The following CDC27 variants were observed in gnomAD, a reference collection of about 807,000 sequenced individuals.
CDC27 encodes cell division cycle protein 27 homolog.
In CDC27, 27 loss-of-function variants were observed where a neutral mutation model predicts 109.7. That is an observed-to-expected ratio of 0.25 (90% confidence interval 0.18 to 0.34). The LOEUF is 0.34. CDC27 is among the 10% of genes least tolerant of loss of function. The pLI, the probability that CDC27 is intolerant of heterozygous loss-of-function variation, is 1.00. For missense variants in CDC27, 579 were observed against 960.2 expected (o/e 0.60, Z 5.25); for synonymous variants, 266 against 333.9 (o/e 0.80, Z 2.22).
At chr17:47,173,065 CTCTGCAAGTGAT>C (rs1567710028) in intron 2 of CDC27, among the ~76,000 whole-genome samples, 1 of 152,188 alleles carries the variant, frequency 6.6e-6, no homozygotes, top group Non-Finnish European at 1.5e-5. Flanking sequence ...GGTTAACAAA[CTCTGCAAGTGAT>C]TCTGTGGCAT....
At chr17:47,188,123 G>A (rs917566671) in intron 1 of CDC27, among the ~76,000 whole-genome samples, 2 of 152,130 alleles carry the variant, frequency 1.3e-5, no homozygotes, top group African/African-American at 4.8e-5. Flanking sequence ...AGCCTTTTAA[G>A]GGCAATATGA....
intron 15 of CDC27, among the ~76,000 whole-genome samples, chr17:47,130,061 T>G (rs1191544017): frequency 6.6e-6 from 1 of 151,986 alleles, no homozygotes; most frequent in Non-Finnish European, 1.5e-5. Flanking sequence ...TAGGAATTTA[T>G]TTGAAAAATG....
chr17:47,171,294 T>A (rs1323707241), intron 3 of CDC27, among the ~76,000 whole-genome samples: 1 of 152,246 alleles, frequency 6.6e-6, no homozygotes, highest in African/African-American at 2.4e-5. Context: ...CAGTCTATGG[T>A]GAGACTTACT....
At chr17:47,127,698 G>T (rs2062188113) in intron 16 of CDC27, among the ~76,000 whole-genome samples, 1 of 151,728 alleles carries the variant, frequency 6.6e-6, no homozygotes, top group African/African-American at 2.4e-5. Context: ...ACTGTGCCTG[G>T]CCCTATTTTT....
intron 1 of CDC27, among the ~76,000 whole-genome samples, chr17:47,187,738 T>C (rs1215320113): frequency 6.6e-6 from 1 of 151,510 alleles, no homozygotes; most frequent in Non-Finnish European, 1.5e-5. Flanking sequence ...TAAAACAAAA[T>C]TATAAGAATA....
At chr17:47,124,432 C>T (rs937896026) in intron 16 of CDC27, among the ~76,000 whole-genome samples, 14 of 151,918 alleles carry the variant, frequency 9.2e-5, no homozygotes, top group African/African-American at 2.7e-4. Context: ...TACAGGCATG[C>T]GCCACCACAC....
At chr17:47,122,356 T>C (rs1160290012) in intron 18 of CDC27, 88 bp downstream of exon 18, 28 of 938,836 alleles carry the variant, frequency 3.0e-5, no homozygotes, top group Non-Finnish European at 4.0e-5. Context: ...AACACCATGG[T>C]TAGAAAAATA....
At position 47,149,090 on chromosome 17, in the gene CDC27, A is replaced by AG. The variant is rs919122796; in HGVS notation, c.1070+2715_1070+2716insC. 3.8e-4 allele frequency among the ~76,000 whole-genome samples: 58 copies of AG among 151,760 alleles called. 1 individual carries two copies. The South Asian group carries it at 0.011, about 29-fold the overall frequency. ...AAGACTCTGTCTCAAAAAAAAAAAA[A>AG]AAAAAAGAAAAAGAAAGAAATTCTT... On this transcript the variant is annotated intron_variant, in intron 9 of 18. Transcript: ENST00000066544.
Position 47,129,493 on chromosome 17 carries a change from T to G in CDC27, c.2060A>C (p.Lys687Thr), listed in dbSNP as rs2062251607. ...VVQHALKKSEKALDTLNKAIV... is the reference protein window; with the variant it reads ...VVQHALKKSETALDTLNKAIV... Reference sequence around the variant, plus strand: ...GGCTTTGTTTAGGGTATCCAAAGCCTTCTCTGATTTTTTCAGTGCATGTTG... The same window carrying G: ...GGCTTTGTTTAGGGTATCCAAAGCCGTCTCTGATTTTTTCAGTGCATGTTG... The change falls in exon 16 of 19, where the codon AAG becomes ACG. Residue 687 changes from lysine to threonine, a missense_variant. This residue lies in a region of CDC27 where 227 missense variants were observed against 363.6 expected (regional missense o/e 0.62). Transcript: ENST00000066544. The G allele has an allele frequency of 6.2e-7, 1 of 1,605,740 alleles. No homozygotes were observed. Among genetic ancestry groups the G allele is most frequent in the Non-Finnish European group, 8.5e-7 (1 of 1,174,108 alleles).
In CDC27 at chr17:47,151,792, A is replaced by G; in HGVS notation, c.1070+14T>C. ...TTATGCCAAGAAAAGTTGAATAATT[A>G]CAATGATAAATACCTTGTTTGTGGA... On this transcript the variant is annotated intron_variant, in intron 9 of 18. Coordinates refer to ENST00000066544, the MANE Select transcript of CDC27 (RefSeq NM_001256.6). The G allele has an allele frequency of 6.5e-7, 1 of 1,528,430 alleles. No individual in the cohort carries two copies. The allele number at this position is 1,528,430 out of a possible 1,614,324, so 94.7% of individuals were successfully genotyped here.
intron 1 of CDC27, among the ~76,000 whole-genome samples, chr17:47,181,975 T>C (rs2064258162): frequency 6.6e-6 from 1 of 152,212 alleles, no homozygotes; most frequent in Non-Finnish European, 1.5e-5. Flanking sequence ...ATCTGCCCCA[T>C]AAAGCTTTCC....
chr17:47,147,848 C>A (rs1266349558), intron 9 of CDC27, among the ~76,000 whole-genome samples: 1 of 148,644 alleles, frequency 6.7e-6, no homozygotes. Context: ...CTACAGTGAG[C>A]CATAGTAGCA....
At chr17:47,136,387 T>C (rs1047764866) in intron 14 of CDC27, among the ~76,000 whole-genome samples, 3 of 152,144 alleles carry the variant, frequency 2.0e-5, no homozygotes, top group Non-Finnish European at 4.4e-5. Context: ...TAGAAGCAAA[T>C]AGAATGATAC....
At chr17:47,146,812 C>T (rs2062971676) in intron 9 of CDC27, among the ~76,000 whole-genome samples, 1 of 152,138 alleles carries the variant, frequency 6.6e-6, no homozygotes, top group Admixed American at 6.6e-5. Context: ...CACCTGTAAT[C>T]CCAACAACTC....
Position 47,142,332 on chromosome 17 carries a change from A to G in CDC27, c.1275T>C (p.Asp425=), listed in dbSNP as rs202030153. 17 of 1,540,346 alleles carry G rather than the reference A, an allele frequency of 1.1e-5. No individual in the cohort carries two copies. The Admixed American group carries it at 2.2e-4, about 20-fold the overall frequency. The change falls in exon 11 of 19, where the codon GAT becomes GAC. Residue 425 remains aspartate, a synonymous_variant. Transcript: ENST00000066544. Reference sequence around the variant, plus strand: ...AGTCCAATTTTGTAATTTCCAGGCTATCATTTATGTTAGGTTGAGTTATTC... The same window carrying G: ...AGTCCAATTTTGTAATTTCCAGGCTGTCATTTATGTTAGGTTGAGTTATTC... The part of the protein sequence containing the change: ...KGGITQPNIN[D]SLEITKLDSS...
intron 12 of CDC27, 38 bp from the exon 13 acceptor site, chr17:47,138,929 T>C (rs957385527): frequency 7.4e-6 from 10 of 1,348,662 alleles, no homozygotes; most frequent in Non-Finnish European, 1.0e-5. Context: ...AACAAGTTGA[T>C]ACAATTTATA....
chr17:47,185,919 A>G (rs1258359850), intron 1 of CDC27, among the ~76,000 whole-genome samples: 3 of 152,322 alleles, frequency 2.0e-5, no homozygotes, highest in African/African-American at 7.2e-5. Context: ...AGCAATGTCT[A>G]GAGGGTATTT....
At chr17:47,176,588 A>C (rs938871433) in intron 2 of CDC27, among the ~76,000 whole-genome samples, 1 of 152,222 alleles carries the variant, frequency 6.6e-6, no homozygotes, top group African/African-American at 2.4e-5. Context: ...AGATGGCCAA[A>C]TTGTGCAGGG....
rs1053343586 is a variant in CDC27 at position 47,122,437 on chromosome 17, T to C, written c.2392+7A>G. 2 of 1,573,326 alleles carry C rather than the reference T, an allele frequency of 1.3e-6. No individual in the cohort carries two copies. The highest frequency in any genetic ancestry group is 1.8e-5 in the Admixed American group (1 of 54,784). On this transcript the variant is annotated splice_region_variant and intron_variant, in intron 18 of 18. Transcript: ENST00000066544. ...TAAATACTCAAAATCATATGTATGA[T>C]ACTTACTGATCTGTTCTTCTTGGGT...
Sources: allele counts gnomAD v4.1 joint callset (sites outside exome capture counted in the v4.1 genomes callset), GRCh38; gene constraint gnomAD v4.1.1; regional missense constraint gnomAD v4.1.1; transcripts MANE v1.5; gene names NCBI Gene and HGNC (gene_info 2026-07-23, HGNC 2026-07-21).